The following LINGO2 variants were observed in gnomAD, a reference collection of about 807,000 sequenced individuals.
LINGO2 encodes leucine-rich repeat and immunoglobulin-like domain-containing nogo receptor-interacting protein 2.
A neutral mutation model predicts 30.6 loss-of-function variants in LINGO2; 14 were observed. The observed-to-expected ratio is 0.46, with a 90% CI of 0.30 to 0.72. The LOEUF is 0.72. Among genes scored for constraint, LINGO2 ranks in the 30% least tolerant of loss-of-function variants. LINGO2 has a pLI of 0.07. For synonymous variants in LINGO2, 317 were observed against 288.5 expected, an observed-to-expected ratio of 1.10 and a Z score of -1.00; for missense variants, 729 against 751.7, an observed-to-expected ratio of 0.97 and a Z score of 0.35.
the LINGO2 span, among the ~76,000 whole-genome samples, chr9:28,951,675 T>A: frequency 2.0e-5 from 3 of 151,974 alleles, no homozygotes; most frequent in African/African-American, 7.3e-5. Flanking sequence ...CTGAGAAGTG[T>A]GATATAGAGA....
chr9:28,795,163 G>A, the LINGO2 span, among the ~76,000 whole-genome samples: 1 of 152,078 alleles, frequency 6.6e-6, no homozygotes, highest in Admixed American at 6.6e-5. Context: ...AGGAAAAGAA[G>A]TCTAGCTCCA....
At chr9:28,242,700 A>C (rs191707953) in intron 4 of LINGO2, among the ~76,000 whole-genome samples, 1 of 152,320 alleles carries the variant, frequency 6.6e-6, no homozygotes, top group East Asian at 1.9e-4. Flanking sequence ...AAATGAGGAA[A>C]AAATGTTAAA....
At chr9:29,188,147 T>C in the LINGO2 span, among the ~76,000 whole-genome samples, 1 of 151,046 alleles carries the variant, frequency 6.6e-6, no homozygotes, top group African/African-American at 2.4e-5. Flanking sequence ...CTGGTTTTCC[T>C]AGGCAGAGGA....
At chr9:29,046,582 C>A in the LINGO2 span, among the ~76,000 whole-genome samples, 2 of 152,022 alleles carry the variant, frequency 1.3e-5, no homozygotes, top group Non-Finnish European at 2.9e-5. Flanking sequence ...ACACCAAACA[C>A]AAAAATCAAC....
the LINGO2 span, among the ~76,000 whole-genome samples, chr9:29,010,207 T>C: frequency 6.6e-6 from 1 of 152,162 alleles, no homozygotes; most frequent in Non-Finnish European, 1.5e-5. Context: ...AAAGAGCTTC[T>C]GCACAGCAAA....
the LINGO2 span, among the ~76,000 whole-genome samples, chr9:29,080,543 C>A: frequency 6.6e-6 from 1 of 152,004 alleles, no homozygotes; most frequent in Non-Finnish European, 1.5e-5. Context: ...GTTAGCGTGT[C>A]AATTTTAGAT....
chr9:28,767,344 C>T, the LINGO2 span, among the ~76,000 whole-genome samples: 9 of 152,104 alleles, frequency 5.9e-5, no homozygotes, highest in Admixed American at 1.3e-4. Flanking sequence ...TCCTGTAATA[C>T]ACATTAAAAA....
intron 4 of LINGO2, among the ~76,000 whole-genome samples, chr9:28,165,477 T>C (rs769084740): frequency 6.6e-6 from 1 of 152,184 alleles, no homozygotes; most frequent in Non-Finnish European, 1.5e-5. Context: ...TCAAACCATA[T>C]AGTAACTTAA....
the LINGO2 span, among the ~76,000 whole-genome samples, chr9:29,032,491 C>T: frequency 2.0e-5 from 3 of 152,130 alleles, no homozygotes; most frequent in Non-Finnish European, 2.9e-5. Flanking sequence ...CTTCATGAAA[C>T]TTTTGAGTGT....
At chr9:27,949,959 A>T in exon 6 of LINGO2, 1 of 1,614,142 alleles carries the variant, frequency 6.2e-7, no homozygotes, top group Non-Finnish European at 8.5e-7. Flanking sequence ...CATCATATCC[A>T]GTAAAGGCCA....
At chr9:28,126,033 C>G (rs1340435528) in intron 4 of LINGO2, among the ~76,000 whole-genome samples, 1 of 151,940 alleles carries the variant, frequency 6.6e-6, no homozygotes, top group Non-Finnish European at 1.5e-5. Context: ...AAATAAAGGG[C>G]CTTAAATACT....
chr9:27,962,648 C>T (rs984745577), intron 5 of LINGO2, among the ~76,000 whole-genome samples: 2 of 152,106 alleles, frequency 1.3e-5, no homozygotes, highest in African/African-American at 4.8e-5. Context: ...GAATGTTGTG[C>T]TTTGTTATTC....
intron 2 of LINGO2, among the ~76,000 whole-genome samples, chr9:28,400,231 T>C (rs1391362003): frequency 6.6e-6 from 1 of 152,184 alleles, no homozygotes; most frequent in Non-Finnish European, 1.5e-5. Context: ...TCAGAAGAAC[T>C]TGGATCCAAG....
At chr9:28,072,769 G>A (rs975958051) in intron 4 of LINGO2, among the ~76,000 whole-genome samples, 2 of 152,018 alleles carry the variant, frequency 1.3e-5, no homozygotes, top group South Asian at 2.1e-4. Context: ...CATTATTGCT[G>A]AGGGCCCAGG....
chr9:28,446,590 C>G (rs913049566), intron 2 of LINGO2, among the ~76,000 whole-genome samples: 1 of 152,164 alleles, frequency 6.6e-6, no homozygotes, highest in Non-Finnish European at 1.5e-5. Flanking sequence ...TCTTTTGACT[C>G]TATTCACTAA....
chr9:28,053,897 C>T (rs1447283817), intron 4 of LINGO2, among the ~76,000 whole-genome samples: 1 of 151,894 alleles, frequency 6.6e-6, no homozygotes, highest in Non-Finnish European at 1.5e-5. Flanking sequence ...CAATAGCTAG[C>T]CAAAGAATAG....
At chr9:28,385,674 A>C (rs1412227) in intron 2 of LINGO2, among the ~76,000 whole-genome samples, 103,705 of 151,948 alleles carry the variant, frequency 0.68, 36,478 homozygotes, top group Non-Finnish European at 0.76. Context: ...TGTACTAAAT[A>C]CTCTATGAAT....
At chr9:28,821,509 C>T in the LINGO2 span, among the ~76,000 whole-genome samples, 1 of 152,162 alleles carries the variant, frequency 6.6e-6, no homozygotes, top group African/African-American at 2.4e-5. Context: ...CAAGTGATAA[C>T]CTCAGCCTTG....
chr9:28,810,466 C>T, the LINGO2 span, among the ~76,000 whole-genome samples: 4 of 152,102 alleles, frequency 2.6e-5, no homozygotes, highest in South Asian at 2.1e-4. Context: ...GATGTCACCT[C>T]ACATACCAAC....
Sources: allele counts gnomAD v4.1 joint callset (sites outside exome capture counted in the v4.1 genomes callset), GRCh38; gene constraint gnomAD v4.1.1; transcripts MANE v1.5; gene names NCBI Gene and HGNC (gene_info 2026-07-23, HGNC 2026-07-21).